Variants in ITGA9 observed in about 807,000 individuals in gnomAD.
The protein encoded by ITGA9 is integrin alpha-9.
A neutral mutation model predicts 127.8 loss-of-function variants in ITGA9; 56 were observed. The observed-to-expected ratio is 0.44, with a 90% confidence interval of 0.35 to 0.55. ITGA9 has a LOEUF of 0.55. Among genes scored for constraint, ITGA9 ranks in the 20% least tolerant of loss-of-function variants. The pLI, the probability that ITGA9 is intolerant of heterozygous loss-of-function variation, is 0.00. For missense variants in ITGA9, 1,196 were observed against 1,347.1 expected, an observed-to-expected ratio of 0.89 and a Z score of 1.76; for synonymous variants, 508 against 514.5, an observed-to-expected ratio of 0.99 and a Z score of 0.17.
At chr3:37,739,287 A>T (rs1363174972) in intron 20 of ITGA9, among the ~76,000 whole-genome samples, 3 of 152,230 alleles carry the variant, frequency 2.0e-5, no homozygotes, top group Non-Finnish European at 2.9e-5. Context: ...TAGCTTCAAT[A>T]ATATAAAAAT....
At position 37,812,199 on chromosome 3, in the gene ITGA9, T is replaced by C. The variant is rs114834742; in HGVS notation, c.3010-6692T>C. ...CATTCAGTGGGGGCTTGTTTATGCT[T>C]GGGAGTAAATATTGGGCTGATGTTG... is the stretch of plus-strand genomic sequence containing the variant. On this transcript the variant is annotated intron_variant, in intron 27 of 27. Coordinates refer to ENST00000264741, the MANE Select transcript of ITGA9 (RefSeq NM_002207.3). Among the ~76,000 whole-genome samples the C allele has an allele frequency of 5.4e-3, 823 of 152,294 alleles. 8 individuals carry two copies. The highest frequency in any genetic ancestry group is 0.019 in the African/African-American group (790 of 41,560).
intron 16 of ITGA9, among the ~76,000 whole-genome samples, chr3:37,641,886 A>G (rs1438323080): frequency 6.6e-6 from 1 of 152,172 alleles, no homozygotes; most frequent in Non-Finnish European, 1.5e-5. Flanking sequence ...CTCAGCCTAA[A>G]TGTTGCCTCC....
intron 15 of ITGA9, among the ~76,000 whole-genome samples, chr3:37,545,417 G>A (rs1699316563): frequency 1.3e-5 from 2 of 151,624 alleles, no homozygotes; most frequent in Non-Finnish European, 2.9e-5. Flanking sequence ...TGCCATATAT[G>A]GTGATAAGTG....
At chr3:37,667,695 T>C (rs1315875629) in intron 17 of ITGA9, among the ~76,000 whole-genome samples, 1 of 152,208 alleles carries the variant, frequency 6.6e-6, no homozygotes, top group Non-Finnish European at 1.5e-5. Context: ...ACACAAGTTC[T>C]TCCAGGTTGG....
chr3:37,669,440 C>T (rs1031814888), intron 17 of ITGA9, among the ~76,000 whole-genome samples: 6 of 152,236 alleles, frequency 3.9e-5, no homozygotes, highest in Non-Finnish European at 5.9e-5. Context: ...CAGCCTGGTT[C>T]CCTGGCTCGC....
At chr3:37,769,472 G>C (rs1431799757) in intron 23 of ITGA9, among the ~76,000 whole-genome samples, 1 of 151,906 alleles carries the variant, frequency 6.6e-6, no homozygotes, top group Non-Finnish European at 1.5e-5. Context: ...GCTTTCCCTG[G>C]TTCCTATTAC....
At chr3:37,487,285 A>G (rs1191347031) in intron 4 of ITGA9, among the ~76,000 whole-genome samples, 2 of 152,194 alleles carry the variant, frequency 1.3e-5, no homozygotes, top group East Asian at 1.9e-4. Context: ...GTTGTACATT[A>G]TGGCCAGTTA....
At chr3:37,775,187 C>T (rs1320078368) in intron 23 of ITGA9, among the ~76,000 whole-genome samples, 1 of 152,142 alleles carries the variant, frequency 6.6e-6, no homozygotes, top group East Asian at 1.9e-4. Flanking sequence ...TAAAACAACT[C>T]CATTAAAAGG....
chr3:37,511,964 CTTTCTTTTCTTTTCTTTTCT>C lies in ITGA9; in HGVS notation c.898-1751_898-1732del, dbSNP rs530231188. 4.3e-3 allele frequency among the ~76,000 whole-genome samples: 383 copies of C among 88,122 alleles called. 16 individuals are homozygous for C. The highest frequency in any genetic ancestry group is 6.1e-3 in the African/African-American group (134 of 21,794). The allele number at this position is 88,122 out of a possible 152,430, so 57.8% of individuals were successfully genotyped here. On this transcript the variant is annotated intron_variant, in intron 8 of 27. Transcript: ENST00000264741. ...ATTTTAAAAGAATAATGCTTTTTCT[CTTTCTTTTCTTTTCTTTTCT>C]TTTCTTTTCTTTTCTTTTCTTTTCT...
intron 15 of ITGA9, among the ~76,000 whole-genome samples, chr3:37,543,116 A>G (rs753813190): frequency 6.6e-6 from 1 of 152,102 alleles, no homozygotes; most frequent in African/African-American, 2.4e-5. Context: ...TAAACTTGCA[A>G]ATGTTTTTCT....
chr3:37,666,710 A>AAGCAT (rs1376423625), intron 17 of ITGA9, among the ~76,000 whole-genome samples: 1 of 152,142 alleles, frequency 6.6e-6, no homozygotes, highest in African/African-American at 2.4e-5. Flanking sequence ...GATCAAAGCA[A>AAGCAT]ATGTCACAGG....
intron 15 of ITGA9, among the ~76,000 whole-genome samples, chr3:37,592,283 T>C (rs1223728709): frequency 6.6e-6 from 1 of 152,212 alleles, no homozygotes; most frequent in Non-Finnish European, 1.5e-5. Flanking sequence ...GTTTGTTCAT[T>C]GCTCATGTGT....
chr3:37,649,979 C>G (rs188589816), intron 16 of ITGA9, among the ~76,000 whole-genome samples: 14 of 152,334 alleles, frequency 9.2e-5, no homozygotes, highest in African/African-American at 3.1e-4. Flanking sequence ...CAACACAGCT[C>G]TCTGTTCCAT....
At chr3:37,665,388 A>G (rs1408938198) in intron 17 of ITGA9, among the ~76,000 whole-genome samples, 1 of 152,230 alleles carries the variant, frequency 6.6e-6, no homozygotes, top group Non-Finnish European at 1.5e-5. Flanking sequence ...CTTTTTGAAT[A>G]AGAGTTGACA....
At position 37,737,443 on chromosome 3, in the gene ITGA9, C is replaced by T. The variant is rs137969999; in HGVS notation, c.2234+460C>T. ...GCCTGGCTGAGCCTGTTGGCAGAGG[C>T]CCCAAGAGATGCTACTCAAGAGAGG... On this transcript the variant is annotated intron_variant, in intron 20 of 27. Transcript: ENST00000264741. Among the ~76,000 whole-genome samples the T allele has an allele frequency of 1.2e-3, 178 of 152,320 alleles. 3 individuals are homozygous for T. In the East Asian group the frequency reaches 0.033, roughly 28 times the overall value.
chr3:37,582,010 T>C lies in ITGA9; in HGVS notation c.1689+39425T>C, dbSNP rs533927901. ...CCACTTTTTAAAAAGGAAATCAGTT[T>C]GGTGGCAAAATCTCCCCTTCCTGTC... On this transcript the variant is annotated intron_variant, in intron 15 of 27. Transcript: ENST00000264741. Among the ~76,000 whole-genome samples the C allele has an allele frequency of 3.3e-5, 5 of 152,274 alleles. No individual in the cohort carries two copies. In the East Asian group the frequency reaches 7.7e-4, roughly 23 times the overall value.
intron 17 of ITGA9, among the ~76,000 whole-genome samples, chr3:37,662,483 A>G (rs78298684): frequency 0.04 from 6,112 of 152,036 alleles, 137 homozygotes; most frequent in Non-Finnish European, 0.049. Flanking sequence ...AGGTCATTTT[A>G]CCCTCTATTC....
chr3:37,476,432 C>A (rs532375585), intron 3 of ITGA9, among the ~76,000 whole-genome samples: 2 of 152,130 alleles, frequency 1.3e-5, no homozygotes, highest in African/African-American at 4.8e-5. Context: ...TTTGCATCTC[C>A]CTGATGATTA....
intron 15 of ITGA9, among the ~76,000 whole-genome samples, chr3:37,607,243 T>G (rs1001810128): frequency 1.3e-5 from 2 of 152,082 alleles, no homozygotes; most frequent in Non-Finnish European, 2.9e-5. Flanking sequence ...TGAGTGGCAG[T>G]TGGGTGGATG....
Sources: allele counts gnomAD v4.1 joint callset (sites outside exome capture counted in the v4.1 genomes callset), GRCh38; gene constraint gnomAD v4.1.1; transcripts MANE v1.5; gene names NCBI Gene and HGNC (gene_info 2026-07-23, HGNC 2026-07-21).